Variants in PIEZO2 observed in about 807,000 individuals in gnomAD.
PIEZO2 encodes the protein piezo-type mechanosensitive ion channel component 2.
PIEZO2 carries 172 observed loss-of-function variants against 337.3 expected under a neutral mutation model. The observed-to-expected ratio is 0.51, with a 90% confidence interval of 0.45 to 0.58. The LOEUF (loss-of-function observed/expected upper bound fraction) is 0.58, where lower values mean the gene tolerates loss of function less well. PIEZO2 is among the 20% of genes least tolerant of loss of function. PIEZO2 has a pLI of 0.00. For missense variants in PIEZO2, 3,028 were observed against 3,391.3 expected, an observed-to-expected ratio of 0.89 and a Z score of 2.66; for synonymous variants, 1,251 against 1,228.5, an observed-to-expected ratio of 1.02 and a Z score of -0.38.
At chr18:11,145,830 A>G (rs2146302755) in intron 1 of PIEZO2, among the ~76,000 whole-genome samples, 1 of 152,292 alleles carries the variant, frequency 6.6e-6, no homozygotes, top group East Asian at 1.9e-4. Flanking sequence ...TAAGCACCCA[A>G]CACGTGAGGA....
Position 11,080,861 on chromosome 18 carries a change from CATAA to C in PIEZO2, c.65-14643_65-14640del, listed in dbSNP as rs962604002. Among the ~76,000 whole-genome samples the C allele has an allele frequency of 1.4e-4, 22 of 151,952 alleles. No individual in the cohort carries two copies. Among genetic ancestry groups the C allele is most frequent in the African/African-American group, 7.3e-5 (3 of 41,368 alleles). On this transcript the variant is annotated intron_variant, in intron 1 of 55. Transcript: ENST00000674853. This position sits in a 1 kb window ranked among gnomAD's most constrained non-coding sequence, Gnocchi z 5.4. ...CTGTCAATAAATAAATAAACAAACA[CATAA>C]ATAAATAAATAAAGCAGAGATATCA... is the stretch of plus-strand genomic sequence containing the variant.
rs1241542179 is a variant in PIEZO2, at chr18:10,988,970, AG to A, written c.161-9311del. Reference sequence around the variant, plus strand: ...GGGAGGCAATTGTCAAAAGGTACAAAGTTTCAGTTATGCAAGATAAAGAAGT... The same window carrying A: ...GGGAGGCAATTGTCAAAAGGTACAAATTTCAGTTATGCAAGATAAAGAAGT... On this transcript the variant is annotated intron_variant, in intron 2 of 55. Coordinates refer to ENST00000674853, the MANE Select transcript of PIEZO2 (RefSeq NM_001378183.1). The surrounding 1 kb of genome is among the most constrained non-coding windows in gnomAD (Gnocchi z 4.8). Among the ~76,000 whole-genome samples, 1 of 152,138 alleles carries A rather than the reference AG, an allele frequency of 6.6e-6. No homozygotes were observed. The highest frequency in any genetic ancestry group is 1.5e-5 in the Non-Finnish European group (1 of 68,010).
At chr18:10,700,033 T>C (rs970789314) in intron 43 of PIEZO2, among the ~76,000 whole-genome samples, 1 of 152,250 alleles carries the variant, frequency 6.6e-6, no homozygotes, top group Non-Finnish European at 1.5e-5. Flanking sequence ...TTTGTAAATG[T>C]GTTATTCTTA....
At chr18:10,709,402 A>G (rs1292151538) in intron 39 of PIEZO2, 2 of 152,252 alleles carry the variant, frequency 1.3e-5, no homozygotes, top group Non-Finnish European at 2.9e-5. Flanking sequence ...CAGCCCAAAG[A>G]TCCTCTACAG....
rs987146468 is a variant in PIEZO2 at position 10,759,498 on chromosome 18, G to A, written c.3741C>T (p.Asn1247=). The A allele has an allele frequency of 2.6e-6, 4 of 1,536,840 alleles. No individual in the cohort carries two copies. Among genetic ancestry groups the A allele is most frequent in the Middle Eastern group, 1.7e-4 (1 of 5,884 alleles). The part of the protein sequence containing the change: ...LYFPDFIVRP[N]PVFLVYDFML... The stretch of plus-strand genomic sequence containing the variant: ...AACACTTACAGACGAGAAACACAGG[G>A]TTGGGCCGCACAATGAAATCTGGGA... The change falls in exon 26 of 56, where the codon AAC becomes AAT. Residue 1247 remains asparagine (N), a synonymous_variant. Coordinates refer to ENST00000674853, the MANE Select transcript of PIEZO2 (RefSeq NM_001378183.1). The surrounding 1 kb of genome is among the most constrained non-coding windows in gnomAD (Gnocchi z 5.5).
intron 3 of PIEZO2, among the ~76,000 whole-genome samples, chr18:10,975,580 A>C (rs1376332829): frequency 6.6e-6 from 1 of 152,162 alleles, no homozygotes. Context: ...GGGTGGTTTG[A>C]AAAAATCTTT....
rs749532279 is a variant in PIEZO2, at chr18:11,069,410, A to C, written c.65-3188T>G. Reference sequence around the variant, plus strand: ...TGTCAATGTGATACACCACATTAACAGAATGAAGAACAAAAGCCATATATC... The same window carrying C: ...TGTCAATGTGATACACCACATTAACCGAATGAAGAACAAAAGCCATATATC... On this transcript the variant is annotated intron_variant, in intron 1 of 55. Transcript: ENST00000674853. The surrounding 1 kb of genome is among the most constrained non-coding windows in gnomAD (Gnocchi z 4.9). Among the ~76,000 whole-genome samples the C allele has an allele frequency of 1.1e-4, 17 of 152,252 alleles. No homozygotes were observed. The highest frequency in any genetic ancestry group is 2.4e-4 in the Non-Finnish European group (16 of 68,054).
At chr18:11,064,647 C>T (rs1230012658) in intron 2 of PIEZO2, among the ~76,000 whole-genome samples, 1 of 152,094 alleles carries the variant, frequency 6.6e-6, no homozygotes, top group Non-Finnish European at 1.5e-5. Flanking sequence ...ATATTCAGGG[C>T]TGGTTAGTTT....
chr18:10,712,056 T>G (rs1315182866), intron 39 of PIEZO2, among the ~76,000 whole-genome samples: 1 of 152,242 alleles, frequency 6.6e-6, no homozygotes, highest in Middle Eastern at 3.2e-3. Context: ...TTTCATCCTA[T>G]CATTCTCTTG....
In PIEZO2 at chr18:10,978,771, TA is replaced by T. The variant is rs1171569944; in HGVS notation, c.286+763del. The stretch of plus-strand genomic sequence containing the variant: ...AAAACTGACAAGTTAAAACTGTTAT[TA>T]CAGTCTATTTCAAATATCTCAGGGT... On this transcript the variant is annotated intron_variant, in intron 3 of 55. Transcript: ENST00000674853. Among the ~76,000 whole-genome samples the T allele has an allele frequency of 2.6e-5, 4 of 152,208 alleles. No individual in the cohort carries two copies. In the South Asian group the frequency reaches 8.3e-4, roughly 32 times the overall value.
Position 10,759,392 on chromosome 18 carries a change from G to A in PIEZO2, c.3757+90C>T. On this transcript the variant is annotated intron_variant, in intron 26 of 55. Coordinates refer to ENST00000674853, the MANE Select transcript of PIEZO2 (RefSeq NM_001378183.1). This position sits in a 1 kb window ranked among gnomAD's most constrained non-coding sequence, Gnocchi z 5.5. ...TACATGATTACGAAGTCTAGTGGAA[G>A]ACAAAAGGCACTAATGCATAGCACG... The A allele has an allele frequency of 9.0e-7, 1 of 1,107,236 alleles. No individual in the cohort carries two copies. The highest frequency in any genetic ancestry group is 1.3e-6 in the Non-Finnish European group (1 of 766,692). The allele number at this position is 1,107,236 out of a possible 1,614,324, so 68.6% of individuals were successfully genotyped here. A position where few individuals can be genotyped will look rare whatever the true frequency, so the allele number is the denominator to read the frequency against.
At chr18:11,089,513 G>C (rs952158420) in intron 1 of PIEZO2, among the ~76,000 whole-genome samples, 7 of 152,094 alleles carry the variant, frequency 4.6e-5, no homozygotes, top group Non-Finnish European at 7.3e-5. Flanking sequence ...TTGTATAACT[G>C]AGTTTCAAAT....
At chr18:11,135,151 A>C (rs1196080842) in intron 1 of PIEZO2, among the ~76,000 whole-genome samples, 1 of 152,248 alleles carries the variant, frequency 6.6e-6, no homozygotes, top group African/African-American at 2.4e-5. Flanking sequence ...ATAAGATTTC[A>C]AACAATTTTC....
At chr18:10,883,935 C>T (rs566181506) in intron 4 of PIEZO2, among the ~76,000 whole-genome samples, 10 of 151,836 alleles carry the variant, frequency 6.6e-5, no homozygotes, top group East Asian at 3.9e-4. Flanking sequence ...CTCAGCCTCC[C>T]GAGTAGCTGG....
At chr18:11,012,437 T>G (rs369206549) in intron 2 of PIEZO2, among the ~76,000 whole-genome samples, 6 of 152,220 alleles carry the variant, frequency 3.9e-5, no homozygotes, top group Non-Finnish European at 8.8e-5. Context: ...AGAAGCCCAT[T>G]ATAGTTTTCT....
chr18:10,770,045 T>C (rs923897186), intron 21 of PIEZO2, 103 bp downstream of exon 21: 136 of 1,225,650 alleles, frequency 1.1e-4, no homozygotes, highest in Non-Finnish European at 1.4e-4. Context: ...GATACTCCGA[T>C]GTAATGCGGA....
At chr18:10,718,445 A>G (rs1389619732) in intron 36 of PIEZO2, among the ~76,000 whole-genome samples, 186 bp from the exon 37 acceptor site, 1 of 152,238 alleles carries the variant, frequency 6.6e-6, no homozygotes, top group Non-Finnish European at 1.5e-5. Flanking sequence ...CAGCATAAAA[A>G]TTATGTAAAT....
At chr18:10,749,426 G>T (rs2037558206) in intron 29 of PIEZO2, among the ~76,000 whole-genome samples, 3 of 152,146 alleles carry the variant, frequency 2.0e-5, no homozygotes. Flanking sequence ...TTGTGCCACT[G>T]TAGTTCAGCC....
chr18:10,749,783 G>A (rs1237799325), intron 29 of PIEZO2, among the ~76,000 whole-genome samples: 1 of 152,156 alleles, frequency 6.6e-6, no homozygotes, highest in Non-Finnish European at 1.5e-5. Flanking sequence ...TGGGCTTCTA[G>A]AATCCTTCCT....
Sources: gnomAD v4.1 joint callset for allele counts (sites outside exome capture counted in the v4.1 genomes callset) on GRCh38, gnomAD v4.1.1 for gene constraint, Gnocchi (gnomAD v3.1) non-coding constraint, MANE v1.5 for transcripts, NCBI Gene and HGNC (gene_info 2026-07-23, HGNC 2026-07-21) for gene names.